CUL5: variants seen among roughly 807,000 people sequenced by gnomAD.
The protein encoded by CUL5 is cullin 5, also known as cullin-5.
In CUL5, 26 loss-of-function variants were observed where a neutral mutation model predicts 108.8. The observed-to-expected ratio is 0.24, with a 90% confidence interval of 0.18 to 0.33. CUL5 has a LOEUF of 0.33. CUL5 is among the 10% of genes least tolerant of loss of function. The pLI is 1.00. For missense variants in CUL5, 524 were observed against 909.2 expected (o/e 0.58, Z 5.45); for synonymous variants, 334 against 298.0 (o/e 1.12, Z -1.25).
intron 5 of CUL5, 119 bp downstream of exon 5, chr11:108,052,920 T>C: frequency 1.3e-5 from 10 of 758,528 alleles, no homozygotes; most frequent in Non-Finnish European, 2.0e-5. Flanking sequence ...CTTTTTGTAC[T>C]AGATACTTTT....
intron 2 of CUL5, among the ~76,000 whole-genome samples, chr11:108,036,697 C>G (rs954113882): frequency 6.6e-6 from 1 of 152,176 alleles, no homozygotes; most frequent in Non-Finnish European, 1.5e-5. Context: ...GGGATGGTCT[C>G]GAACTCTTGA....
At chr11:108,048,793 A>G (rs1863134484) in intron 3 of CUL5, among the ~76,000 whole-genome samples, 1 of 151,228 alleles carries the variant, frequency 6.6e-6, no homozygotes, top group Non-Finnish European at 1.5e-5. Context: ...CAGCCTCCCG[A>G]GCAGCTGAGA....
chr11:108,077,032 T>C (rs75453765), intron 10 of CUL5, among the ~76,000 whole-genome samples: 1,535 of 152,306 alleles, frequency 0.01, 33 homozygotes, highest in African/African-American at 0.035. Flanking sequence ...TGGAAAAATA[T>C]GTTTGGCAGC....
intron 1 of CUL5, among the ~76,000 whole-genome samples, chr11:108,011,628 A>ATT (rs1282039694): frequency 9.6e-5 from 14 of 145,848 alleles, no homozygotes; most frequent in African/African-American, 3.2e-4. Flanking sequence ...TTTCTTTTTA[A>ATT]TTTTTTTTTT....
At chr11:108,100,472 G>A (rs1422799336) in intron 18 of CUL5, among the ~76,000 whole-genome samples, 1 of 152,102 alleles carries the variant, frequency 6.6e-6, no homozygotes, top group Admixed American at 6.5e-5. Flanking sequence ...TGAACCTGGC[G>A]GGCAGAGGTT....
chr11:108,059,832 A>G (rs1400214800), intron 7 of CUL5, among the ~76,000 whole-genome samples: 1 of 151,548 alleles, frequency 6.6e-6, no homozygotes, highest in East Asian at 1.9e-4. Context: ...TGCAGTAAGG[A>G]GAGATCACAC....
chr11:108,022,164 T>C (rs964948889), intron 1 of CUL5, among the ~76,000 whole-genome samples: 3 of 152,204 alleles, frequency 2.0e-5, no homozygotes, highest in Non-Finnish European at 4.4e-5. Context: ...ATTAAAATAT[T>C]GCCATAATAT....
Position 108,058,994 on chromosome 11 carries a change from T to G in CUL5, c.780+4039T>G, listed in dbSNP as rs568234153. Among the ~76,000 whole-genome samples the G allele has an allele frequency of 2.0e-5, 3 of 152,210 alleles. No homozygotes were observed. The South Asian group carries it at 6.2e-4, about 32-fold the overall frequency. ...ATAAGAAAAGAGCAAGAAAAAAAAT[T>G]AAGCCAAATGCCTTTTGTGTTTTAA... On this transcript the variant is annotated intron_variant, in intron 7 of 18. Transcript: ENST00000393094.
intron 1 of CUL5, among the ~76,000 whole-genome samples, chr11:108,032,973 A>G (rs1284586530): frequency 1.3e-5 from 2 of 152,162 alleles, no homozygotes; most frequent in South Asian, 2.1e-4. Flanking sequence ...CTCACTTCTG[A>G]CACCAACTGT....
chr11:108,025,766 A>G (rs898720964), intron 1 of CUL5, among the ~76,000 whole-genome samples: 4 of 152,120 alleles, frequency 2.6e-5, no homozygotes, highest in African/African-American at 4.8e-5. Context: ...CTGTATAGAT[A>G]CCCAGAGCTC....
At chr11:108,085,800 TA>T (rs1298163939) in intron 11 of CUL5, among the ~76,000 whole-genome samples, 3 of 152,120 alleles carry the variant, frequency 2.0e-5, no homozygotes, top group Non-Finnish European at 4.4e-5. Context: ...GGAGGATAGC[TA>T]GAGAATGGGA....
rs536020116 is a variant in CUL5 at position 108,095,913 on chromosome 11, T to C, written c.1905+222T>C. ...GAGTTCGAGACCAGCCTAGCCAACA[T>C]AGTGAAACCCCATCTCTACTAAAAA... On this transcript the variant is annotated intron_variant, in intron 16 of 18. Transcript: ENST00000393094. 3.0e-3 allele frequency among the ~76,000 whole-genome samples: 450 copies of C among 150,418 alleles called. 2 individuals carry two copies. The highest frequency in any genetic ancestry group is 4.8e-3 in the Non-Finnish European group (327 of 67,622).
chr11:108,105,571 A>C lies in CUL5; in HGVS notation c.*1187A>C, dbSNP rs2135260249. 1 of 152,314 alleles carries C rather than the reference A, an allele frequency of 6.6e-6. No homozygotes were observed. Among genetic ancestry groups the C allele is most frequent in the South Asian group, 2.1e-4 (1 of 4,834 alleles). 9.4% of individuals were successfully genotyped at this position (152,314 alleles called of 1,614,324 possible). ...AATAAACATTTTTTAAATCGTCAGA[A>C]GGCAACATTTACCATGTTCCTTTCA... is the stretch of plus-strand genomic sequence containing the variant. On this transcript the variant is annotated 3_prime_UTR_variant, in exon 19 of 19. Transcript: ENST00000393094.
chr11:108,082,818 G>A (rs550089977), intron 11 of CUL5, among the ~76,000 whole-genome samples: 2 of 150,950 alleles, frequency 1.3e-5, no homozygotes, highest in East Asian at 3.9e-4. Context: ...TTTGAGACAG[G>A]GTCTTGCTGT....
chr11:108,020,546 T>TG (rs200439754), intron 1 of CUL5, among the ~76,000 whole-genome samples: 302 of 148,856 alleles, frequency 2.0e-3, no homozygotes, highest in Middle Eastern at 3.5e-3. Context: ...TTTTTTTTTT[T>TG]TTGTTTTTTG....
chr11:108,048,528 C>T (rs1415164770), intron 3 of CUL5, among the ~76,000 whole-genome samples: 1 of 151,996 alleles, frequency 6.6e-6, no homozygotes, highest in African/African-American at 2.4e-5. Flanking sequence ...GTGGAATCTA[C>T]AATACCTATT....
At chr11:108,062,608 G>A (rs989241267) in intron 7 of CUL5, among the ~76,000 whole-genome samples, 3 of 150,812 alleles carry the variant, frequency 2.0e-5, no homozygotes, top group African/African-American at 4.9e-5. Context: ...CATACATGGT[G>A]TATGTAGTTG....
intron 7 of CUL5, among the ~76,000 whole-genome samples, chr11:108,065,623 C>T (rs941119427): frequency 1.3e-5 from 2 of 152,186 alleles, no homozygotes; most frequent in African/African-American, 2.4e-5. Flanking sequence ...TGCTCTCTCC[C>T]TCTCCCAAGC....
At chr11:108,091,101 G>C (rs7106986) in intron 13 of CUL5, among the ~76,000 whole-genome samples, 3,699 of 151,700 alleles carry the variant, frequency 0.024, 159 homozygotes, top group African/African-American at 0.084. Flanking sequence ...ACCCAGGCTG[G>C]ATTGCAGTGG....
Sources: gnomAD v4.1 joint callset for allele counts (sites outside exome capture counted in the v4.1 genomes callset) on GRCh38, gnomAD v4.1.1 for gene constraint, MANE v1.5 for transcripts, NCBI Gene and HGNC (gene_info 2026-07-23, HGNC 2026-07-21) for gene names.